The following SLIT3 variants were observed in gnomAD, a reference collection of about 807,000 sequenced individuals.
SLIT3 encodes slit homolog 3 protein.
Under a neutral mutation model 184.0 loss-of-function variants are expected in SLIT3, and 68 were observed. The observed-to-expected ratio is 0.37, with a 90% CI of 0.30 to 0.45. The LOEUF is 0.45. Among genes scored for constraint, SLIT3 ranks in the 20% least tolerant of loss-of-function variants. The pLI is 1.00. For synonymous variants in SLIT3, 831 were observed against 828.6 expected (o/e 1.00, Z -0.05); for missense variants, 1,707 against 2,026.0 (o/e 0.84, Z 3.02).
chr5:168,787,436 C>T (rs1292718961), intron 11 of SLIT3, among the ~76,000 whole-genome samples: 3 of 152,212 alleles, frequency 2.0e-5, no homozygotes, highest in Non-Finnish European at 4.4e-5. Context: ...GGGTGTACCC[C>T]TGTCTGGCTT....
intron 4 of SLIT3, among the ~76,000 whole-genome samples, chr5:169,145,100 T>A (rs1761883224): frequency 6.6e-6 from 1 of 152,176 alleles, no homozygotes; most frequent in Non-Finnish European, 1.5e-5. Flanking sequence ...CACACATTTG[T>A]TCAAGGTGCA....
chr5:168,730,079 T>C (rs1158833525), intron 20 of SLIT3, among the ~76,000 whole-genome samples: 1 of 148,078 alleles, frequency 6.8e-6, no homozygotes, highest in Non-Finnish European at 1.5e-5. Context: ...GCTACACTTA[T>C]ATCAGATAAA....
chr5:169,044,783 C>G (rs377048583), intron 4 of SLIT3, among the ~76,000 whole-genome samples: 27 of 152,214 alleles, frequency 1.8e-4, no homozygotes, highest in African/African-American at 6.5e-4. Context: ...AAGAAAGGGC[C>G]AGGGTTGCTA....
chr5:168,996,226 G>T (rs1394024937), intron 4 of SLIT3, among the ~76,000 whole-genome samples: 3 of 152,170 alleles, frequency 2.0e-5, no homozygotes, highest in Admixed American at 6.5e-5. Context: ...GAGGCATTAA[G>T]TCTGCAAGCA....
intron 20 of SLIT3, among the ~76,000 whole-genome samples, chr5:168,733,111 A>C (rs1045281693): frequency 2.6e-5 from 4 of 151,222 alleles, no homozygotes; most frequent in African/African-American, 9.7e-5. Flanking sequence ...GAAAAAAAAA[A>C]CCATTAAAAA....
At chr5:169,268,738 G>C (rs1338467907) in intron 1 of SLIT3, among the ~76,000 whole-genome samples, 1 of 152,166 alleles carries the variant, frequency 6.6e-6, no homozygotes, top group African/African-American at 2.4e-5. Context: ...ACCTCAGAGG[G>C]TTTTTGAGAT....
chr5:168,973,171 GC>G (rs1264137939), intron 4 of SLIT3, among the ~76,000 whole-genome samples: 1 of 152,138 alleles, frequency 6.6e-6, no homozygotes, highest in Admixed American at 6.5e-5. Flanking sequence ...CTAACTGCTG[GC>G]TTCTGACCCA....
chr5:168,778,897 C>T (rs916273502), intron 12 of SLIT3, among the ~76,000 whole-genome samples: 6 of 152,298 alleles, frequency 3.9e-5, no homozygotes, highest in South Asian at 2.1e-4. Context: ...CTGTATTCAT[C>T]GGTATTTCCC....
At chr5:169,053,147 G>A (rs771554546) in intron 4 of SLIT3, among the ~76,000 whole-genome samples, 13 of 152,352 alleles carry the variant, frequency 8.5e-5, no homozygotes, top group Non-Finnish European at 1.8e-4. Flanking sequence ...ACAGTTGGGA[G>A]TTGGATTCCC....
chr5:169,041,199 C>T (rs1757436338), intron 4 of SLIT3, among the ~76,000 whole-genome samples: 1 of 152,250 alleles, frequency 6.6e-6, no homozygotes, highest in African/African-American at 2.4e-5. Flanking sequence ...GTGGCCCCAA[C>T]TACTTCACAT....
chr5:169,203,653 G>C (rs1317114255), intron 3 of SLIT3, among the ~76,000 whole-genome samples: 1 of 152,162 alleles, frequency 6.6e-6, no homozygotes, highest in Non-Finnish European at 1.5e-5. Flanking sequence ...CTCTGGGAAT[G>C]CTCTTTACCC....
Position 168,896,326 on chromosome 5 carries a change from TAA to T in SLIT3, c.414-12992_414-12991del, listed in dbSNP as rs1473096396. On this transcript the variant is annotated intron_variant, in intron 4 of 35. Coordinates refer to ENST00000519560, the MANE Select transcript of SLIT3 (RefSeq NM_003062.4). ...AAATACCTACGTGCGGGAATTATTA[TAA>T]AATAGTTAATGAATTTCGAGTTCAT... Among the ~76,000 whole-genome samples the T allele has an allele frequency of 3.9e-5, 6 of 152,296 alleles. No homozygotes were observed. The South Asian group carries it at 6.2e-4, about 16-fold the overall frequency.
chr5:169,243,675 G>C (rs1399752978), intron 3 of SLIT3, among the ~76,000 whole-genome samples: 1 of 152,200 alleles, frequency 6.6e-6, no homozygotes, highest in Non-Finnish European at 1.5e-5. Context: ...AAGCTAACTA[G>C]TCAGGGACAA....
intron 4 of SLIT3, among the ~76,000 whole-genome samples, chr5:169,000,055 C>A (rs375841282): frequency 2.0e-5 from 3 of 152,028 alleles, no homozygotes. Context: ...ACAAATACTG[C>A]GATCATTATT....
intron 1 of SLIT3, among the ~76,000 whole-genome samples, chr5:169,280,140 G>C (rs530507817): frequency 4.6e-5 from 7 of 152,342 alleles, no homozygotes; most frequent in Non-Finnish European, 7.3e-5. Flanking sequence ...CTTCCGCTGG[G>C]GGTCTCCTTG....
At chr5:169,273,714 C>T (rs1561781261) in intron 1 of SLIT3, among the ~76,000 whole-genome samples, 1 of 152,098 alleles carries the variant, frequency 6.6e-6, no homozygotes. Flanking sequence ...AGTTTACAAG[C>T]TTGAATTGGG....
intron 4 of SLIT3, among the ~76,000 whole-genome samples, chr5:169,136,990 A>G: frequency 6.6e-6 from 1 of 152,090 alleles, no homozygotes. Flanking sequence ...CCAAAATGTT[A>G]GGATTACAGG....
At chr5:168,714,691 A>G (rs1762664683) in intron 23 of SLIT3, among the ~76,000 whole-genome samples, 1 of 152,228 alleles carries the variant, frequency 6.6e-6, no homozygotes, top group Non-Finnish European at 1.5e-5. Flanking sequence ...TGGCCCCCAA[A>G]GAAGTACTCT....
At chr5:168,751,840 C>A (rs750380427) in intron 18 of SLIT3, among the ~76,000 whole-genome samples, 1 of 151,822 alleles carries the variant, frequency 6.6e-6, no homozygotes, top group African/African-American at 2.4e-5. Flanking sequence ...CGGGTTCAAG[C>A]GATTCTCCTG....
Sources: gnomAD v4.1 joint callset for allele counts (sites outside exome capture counted in the v4.1 genomes callset) on GRCh38, gnomAD v4.1.1 for gene constraint, MANE v1.5 for transcripts, NCBI Gene and HGNC (gene_info 2026-07-23, HGNC 2026-07-21) for gene names.